IGF1R: variants seen among roughly 807,000 people sequenced by gnomAD.
IGF1R encodes the protein insulin like growth factor 1 receptor.
A neutral mutation model predicts 144.6 loss-of-function variants in IGF1R; 44 were observed. That is an observed-to-expected ratio of 0.30 (90% CI 0.24 to 0.39). The LOEUF is 0.39. IGF1R is among the 10% of genes least tolerant of loss of function. The pLI is 1.00. For synonymous variants in IGF1R, 795 were observed against 722.8 expected, an observed-to-expected ratio of 1.10 and a Z score of -1.60; for missense variants, 1,355 against 1,833.7, an observed-to-expected ratio of 0.74 and a Z score of 4.77.
chr15:98,702,767 C>CA (rs2053767422), intron 1 of IGF1R, among the ~76,000 whole-genome samples: 1 of 151,858 alleles, frequency 6.6e-6, no homozygotes, highest in African/African-American at 2.4e-5. Context: ...CTCTCTCTGC[C>CA]AAAAAATTAA....
intron 2 of IGF1R, among the ~76,000 whole-genome samples, chr15:98,864,855 AATT>A (rs2012344350): frequency 6.6e-6 from 1 of 152,198 alleles, no homozygotes. Context: ...CGAATGGCTA[AATT>A]TTTTAAATAT....
In IGF1R at chr15:98,793,539, C is replaced by T. The variant is rs193091659; in HGVS notation, c.640+85432C>T. On this transcript the variant is annotated intron_variant, in intron 2 of 20. Transcript: ENST00000650285. ...CTTTAAAAGGAAAAGAGACGATATC[C>T]CAGTGCTTCTCTATACTAAAACAGG... 2.4e-3 allele frequency among the ~76,000 whole-genome samples: 369 copies of T among 152,276 alleles called. 1 individual carries two copies. Among genetic ancestry groups the T allele is most frequent in the African/African-American group, 8.0e-3 (332 of 41,552 alleles).
At chr15:98,754,256 CTGA>C (rs1316397142) in intron 2 of IGF1R, among the ~76,000 whole-genome samples, 1 of 152,136 alleles carries the variant, frequency 6.6e-6, no homozygotes, top group Non-Finnish European at 1.5e-5. Context: ...GTGGCTCTCC[CTGA>C]TGTTTTCTTT....
intron 5 of IGF1R, among the ~76,000 whole-genome samples, chr15:98,903,152 T>G (rs1313246074): frequency 1.3e-5 from 2 of 152,206 alleles, no homozygotes; most frequent in African/African-American, 2.4e-5. Flanking sequence ...TGTACACAAT[T>G]TTTATAAAAT....
At chr15:98,820,202 C>CATAT (rs3076066) in intron 2 of IGF1R, among the ~76,000 whole-genome samples, 12 of 149,368 alleles carry the variant, frequency 8.0e-5, no homozygotes, top group African/African-American at 2.0e-4. Flanking sequence ...ATGCTATTTT[C>CATAT]ATATATATAT....
chr15:98,753,828 C>T (rs551878194), intron 2 of IGF1R, among the ~76,000 whole-genome samples: 1 of 152,136 alleles, frequency 6.6e-6, no homozygotes, highest in East Asian at 1.9e-4. Flanking sequence ...TGGGAGGTCT[C>T]TCTTGTATGT....
At chr15:98,802,897 G>A (rs1485902541) in intron 2 of IGF1R, among the ~76,000 whole-genome samples, 1 of 152,142 alleles carries the variant, frequency 6.6e-6, no homozygotes, top group Admixed American at 6.5e-5. Flanking sequence ...AAAAGTAAAC[G>A]TAATATGTAA....
chr15:98,864,202 G>T (rs955361527), intron 2 of IGF1R, among the ~76,000 whole-genome samples: 3 of 152,172 alleles, frequency 2.0e-5, no homozygotes, highest in Admixed American at 1.3e-4. Context: ...CTGCAGTGAG[G>T]TGTGATCATG....
intron 2 of IGF1R, among the ~76,000 whole-genome samples, chr15:98,793,747 A>G (rs905857821): frequency 2.6e-5 from 4 of 152,212 alleles, no homozygotes; most frequent in Non-Finnish European, 4.4e-5. Context: ...ACATGAATCT[A>G]TAATTTATAC....
At chr15:98,752,600 A>T (rs1268576010) in intron 2 of IGF1R, among the ~76,000 whole-genome samples, 7 of 151,966 alleles carry the variant, frequency 4.6e-5, no homozygotes. Flanking sequence ...GGAGAATGGC[A>T]TGAACCCGGG....
chr15:98,727,396 T>A (rs1287001824), intron 2 of IGF1R, among the ~76,000 whole-genome samples: 1 of 152,224 alleles, frequency 6.6e-6, no homozygotes, highest in Non-Finnish European at 1.5e-5. Context: ...TTTTCTTGTT[T>A]TATTTGTCAA....
intron 2 of IGF1R, among the ~76,000 whole-genome samples, chr15:98,835,421 AG>A (rs1330482640): frequency 1.3e-5 from 2 of 152,174 alleles, no homozygotes; most frequent in Admixed American, 6.5e-5. Flanking sequence ...AGGGATGAAG[AG>A]GAGAGTGACT....
intron 10 of IGF1R, among the ~76,000 whole-genome samples, chr15:98,919,653 C>T (rs1567199006): frequency 6.6e-6 from 1 of 152,248 alleles, no homozygotes; most frequent in Non-Finnish European, 1.5e-5. Context: ...TCCTTTCTCT[C>T]TCCTAAGACA....
intron 1 of IGF1R, among the ~76,000 whole-genome samples, chr15:98,656,454 C>CAGG (rs1285136567): frequency 6.6e-6 from 1 of 152,176 alleles, no homozygotes; most frequent in Non-Finnish European, 1.5e-5. Flanking sequence ...GAGGCTGAGG[C>CAGG]AGGAGAATTG....
intron 2 of IGF1R, among the ~76,000 whole-genome samples, chr15:98,839,514 C>CAA (rs2011140364): frequency 6.6e-6 from 1 of 152,232 alleles, no homozygotes; most frequent in African/African-American, 2.4e-5. Context: ...AGACACCACT[C>CAA]AGACTTCACA....
intron 13 of IGF1R, among the ~76,000 whole-genome samples, chr15:98,925,880 G>A (rs1022484767): frequency 6.6e-6 from 1 of 152,120 alleles, no homozygotes; most frequent in Admixed American, 6.5e-5. Flanking sequence ...TCCAGCCTGG[G>A]TGACAGAGCA....
chr15:98,731,561 C>T (rs1005900730), intron 2 of IGF1R, among the ~76,000 whole-genome samples: 4 of 152,192 alleles, frequency 2.6e-5, no homozygotes, highest in Non-Finnish European at 5.9e-5. Context: ...TAGTGCTCTT[C>T]AGCTCTGTGG....
chr15:98,702,797 G>C (rs1350048112), intron 1 of IGF1R, among the ~76,000 whole-genome samples: 1 of 151,976 alleles, frequency 6.6e-6, no homozygotes, highest in Non-Finnish European at 1.5e-5. Flanking sequence ...CAAAACCTAG[G>C]TGTTATGGTG....
chr15:98,651,167 A>T (rs2052354979), intron 1 of IGF1R: 1 of 624,450 alleles, frequency 1.6e-6, no homozygotes, highest in African/African-American at 2.0e-5. Context: ...GAGGCGGGGA[A>T]GGAGGAGGCA....
Sources: gnomAD v4.1 joint callset for allele counts (sites outside exome capture counted in the v4.1 genomes callset) on GRCh38, gnomAD v4.1.1 for gene constraint, MANE v1.5 for transcripts, NCBI Gene and HGNC (gene_info 2026-07-23, HGNC 2026-07-21) for gene names.